DOP1B: variants seen among roughly 807,000 people sequenced by gnomAD.
DOP1B encodes the protein DOP1 leucine zipper like protein B.
A neutral mutation model predicts 233.5 loss-of-function variants in DOP1B; 174 were observed. That is an observed-to-expected ratio of 0.75 (90% CI 0.66 to 0.85). The LOEUF (loss-of-function observed/expected upper bound fraction) is 0.85. Among genes scored for constraint, DOP1B ranks in the 40% least tolerant of loss-of-function variants. The pLI is 0.00. For synonymous variants in DOP1B, 1,190 were observed against 1,185.6 expected (o/e 1.00, Z -0.08); for missense variants, 2,652 against 2,846.6 (o/e 0.93, Z 1.56).
intron 35 of DOP1B, 51 bp downstream of exon 35, chr21:36,289,257 T>C (rs775908703): frequency 6.3e-7 from 1 of 1,581,202 alleles, no homozygotes; most frequent in Admixed American, 1.9e-5. Context: ...ATTTTGTTTT[T>C]TCCTTTTAAG....
chr21:36,208,908 G>T lies in DOP1B; in HGVS notation c.681+4G>T. 1.3e-6 allele frequency: 2 copies of T among 1,514,852 alleles called. No homozygotes were observed. Among genetic ancestry groups the T allele is most frequent in the Non-Finnish European group, 1.8e-6 (2 of 1,131,082 alleles). The allele number at this position is 1,514,852 out of a possible 1,614,324, so 93.8% of individuals were successfully genotyped here. A position where few individuals can be genotyped will look rare whatever the true frequency, so the allele number is the denominator to read the frequency against. ...GGGGACCAATCACCAACTCACGGTG[G>T]GTGCTGTGTTCCTCACAGGGCATGG... On this transcript the variant is annotated splice_donor_region_variant and intron_variant, in intron 5 of 36. Transcript: ENST00000691173.
Position 36,242,161 on chromosome 21 carries a change from A to G in DOP1B, c.3067+2206A>G, listed in dbSNP as rs193223843. On this transcript the variant is annotated intron_variant, in intron 18 of 36. Coordinates refer to ENST00000691173, the MANE Select transcript of DOP1B (RefSeq NM_001320714.2). ...CCACAGTTCCTTGGGCATTATTATT[A>G]TTATTATTATTATTATTATTATTAT... 3.9e-3 allele frequency among the ~76,000 whole-genome samples: 548 copies of G among 141,656 alleles called. 12 individuals are homozygous for G. Among genetic ancestry groups the G allele is most frequent in the Non-Finnish European group, 3.6e-3 (230 of 63,526 alleles). The allele number at this position is 141,656 out of a possible 152,430, so 92.9% of individuals were successfully genotyped here.
chr21:36,210,837 C>T (rs2066488016), intron 5 of DOP1B, among the ~76,000 whole-genome samples: 1 of 152,144 alleles, frequency 6.6e-6, no homozygotes, highest in Non-Finnish European at 1.5e-5. Flanking sequence ...ATAAAAATAT[C>T]TGACTTCCCA....
In DOP1B at chr21:36,230,878, C is replaced by G. The variant is rs1431409222; in HGVS notation, c.2094C>G (p.Asp698Glu). ...CTCAGTTCAAGCAGATGCTGTCAGACTTGTTCACAGCACGAGGGTCTCCAT... is the reference window on the plus strand; with the variant it reads ...CTCAGTTCAAGCAGATGCTGTCAGAGTTGTTCACAGCACGAGGGTCTCCAT... The part of the protein sequence containing the change: ...TVPQFKQMLS[D>E]LFTARGSPFK... The change falls in exon 14 of 37, where the codon GAC becomes GAG. Residue 698 changes from aspartate (D) to glutamate (E), a missense_variant. By Grantham distance (45) the Asp-to-Glu change is conservative. Coordinates refer to ENST00000691173, the MANE Select transcript of DOP1B (RefSeq NM_001320714.2). The G allele has an allele frequency of 6.2e-7, 1 of 1,614,136 alleles. No homozygotes were observed. The highest frequency in any genetic ancestry group is 1.1e-5 in the South Asian group (1 of 91,080).
intron 15 of DOP1B, among the ~76,000 whole-genome samples, chr21:36,235,654 G>A (rs1459848229): frequency 6.6e-6 from 1 of 152,096 alleles, no homozygotes; most frequent in East Asian, 1.9e-4. Context: ...CTTGAGCCAA[G>A]GAGGCAGAGG....
intron 2 of DOP1B, among the ~76,000 whole-genome samples, chr21:36,191,255 GAAA>G (rs10599369): frequency 1.4e-5 from 2 of 141,378 alleles, no homozygotes; most frequent in Admixed American, 7.0e-5. Flanking sequence ...AAACAAGTCA[GAAA>G]AAAAAAAAAA....
In DOP1B at chr21:36,288,809, G is replaced by C. The variant is rs777178185; in HGVS notation, c.6351G>C (p.Leu2117Phe). The change falls in exon 34 of 37, where the codon TTG (leucine) becomes TTC (phenylalanine). Residue 2117 changes from leucine to phenylalanine, a missense_variant and splice_region_variant. Leu to Phe is a conservative substitution (Grantham distance 22). Transcript: ENST00000691173. ...ATCTAAAAGATGAAGATGAGTCATT[G>C]AGGTAAGCAGTACAAGATCTGTACA... Reference protein sequence around the residue: ...EEDLKDEDESLRSTNKVNRTK... With the variant: ...EEDLKDEDESFRSTNKVNRTK... 8 of 1,611,860 alleles carry C rather than the reference G, an allele frequency of 5.0e-6. No homozygotes were observed. The highest frequency in any genetic ancestry group is 6.8e-6 in the Non-Finnish European group (8 of 1,178,170).
intron 12 of DOP1B, among the ~76,000 whole-genome samples, chr21:36,227,318 T>A (rs992067491): frequency 9.9e-5 from 15 of 151,868 alleles, no homozygotes; most frequent in Non-Finnish European, 1.6e-4. Flanking sequence ...GAGGCCAAGG[T>A]GGATGGATCA....
intron 35 of DOP1B, 78 bp from the exon 36 acceptor site, chr21:36,292,026 T>C: frequency 6.8e-7 from 1 of 1,480,584 alleles, no homozygotes; most frequent in Non-Finnish European, 9.0e-7. Flanking sequence ...GTATGTGAAT[T>C]ATATCTTAAT....
intron 2 of DOP1B, among the ~76,000 whole-genome samples, chr21:36,191,407 G>A (rs1182002619): frequency 6.6e-6 from 1 of 152,162 alleles, no homozygotes; most frequent in Admixed American, 6.6e-5. Context: ...AAATCCCTGG[G>A]CTGCCTCAGG....
At chr21:36,283,962 C>CTTTTTTTTTTTTTGTTTT (rs1381360919) in intron 32 of DOP1B, among the ~76,000 whole-genome samples, 1 of 91,548 alleles carries the variant, frequency 1.1e-5, no homozygotes. Context: ...TTTTTTTTTC[C>CTTTTTTTTTTTTTGTTTT]TTTGAGATGG....
Position 36,293,711 on chromosome 21 carries a change from G to A in DOP1B, c.*140G>A, listed in dbSNP as rs887612299. The A allele has an allele frequency of 7.3e-5, 71 of 972,218 alleles. No homozygotes were observed. Among genetic ancestry groups the A allele is most frequent in the Non-Finnish European group, 9.7e-5 (64 of 656,894 alleles). The allele number at this position is 972,218 out of a possible 1,614,324, so 60.2% of individuals were successfully genotyped here. The stretch of plus-strand genomic sequence containing the variant: ...TGAAAGTAGATTTCAGGCTAGGTGC[G>A]GTGGCTCACACCTGTAATCTCAGCA... On this transcript the variant is annotated 3_prime_UTR_variant, in exon 37 of 37. Transcript: ENST00000691173.
intron 2 of DOP1B, chr21:36,169,648 G>C (rs1034520555): frequency 1.1e-6 from 1 of 911,320 alleles, no homozygotes; most frequent in Non-Finnish European, 1.8e-6. Flanking sequence ...CCATCAGCTG[G>C]GCCTTCTTCT....
intron 28 of DOP1B, among the ~76,000 whole-genome samples, chr21:36,277,462 T>C (rs1356891585): frequency 6.6e-6 from 1 of 151,614 alleles, no homozygotes; most frequent in African/African-American, 2.4e-5. Flanking sequence ...TTTAGTATTT[T>C]AGTAGAGACG....
chr21:36,269,991 C>G, intron 26 of DOP1B, 22 bp from the exon 27 acceptor site: 2 of 1,613,122 alleles, frequency 1.2e-6, no homozygotes, highest in Admixed American at 1.7e-5. Flanking sequence ...CTTCCTTTCC[C>G]CCTCCTCCTG....
At chr21:36,292,269 T>TTTTG in intron 36 of DOP1B, 36 bp downstream of exon 36, 1 of 1,514,758 alleles carries the variant, frequency 6.6e-7, no homozygotes, top group Non-Finnish European at 8.9e-7. Flanking sequence ...TTTTTTTTTT[T>TTTTG]TTGGTGAGAC....
chr21:36,252,888 C>A (rs866149869), intron 22 of DOP1B, among the ~76,000 whole-genome samples: 2 of 152,316 alleles, frequency 1.3e-5, no homozygotes, highest in Middle Eastern at 3.4e-3. Context: ...CCTTTTTCAA[C>A]CTCAATCCTC....
rs13046363 is a variant in DOP1B, at chr21:36,194,301, G to A, written c.139-4769G>A. 2.6e-3 allele frequency among the ~76,000 whole-genome samples: 390 copies of A among 152,232 alleles called. 1 individual carries two copies. Among genetic ancestry groups the A allele is most frequent in the African/African-American group, 9.1e-3 (377 of 41,556 alleles). ...TGATTAACTTTGTTCATGATCTCTAGATCACTCTGCTCTATGCTTGAACCT... is the reference window on the plus strand; with the variant it reads ...TGATTAACTTTGTTCATGATCTCTAAATCACTCTGCTCTATGCTTGAACCT... On this transcript the variant is annotated intron_variant, in intron 2 of 36. Transcript: ENST00000691173.
At position 36,253,928 on chromosome 21, in the gene DOP1B, C is replaced by G. The variant is rs768268399; in HGVS notation, c.5259+19C>G. 7 of 1,609,110 alleles carry G rather than the reference C, an allele frequency of 4.4e-6. No individual in the cohort carries two copies. The highest frequency in any genetic ancestry group is 4.0e-5 in the African/African-American group (3 of 74,724). On this transcript the variant is annotated intron_variant, in intron 23 of 36. Transcript: ENST00000691173. ...TGATGAGGTGAGGAGCCTGGGGAAG[C>G]CTCTGGGCTTCTGCAGATTAGTGGG...
Sources: allele counts gnomAD v4.1 joint callset (sites outside exome capture counted in the v4.1 genomes callset), GRCh38; gene constraint gnomAD v4.1.1; transcripts MANE v1.5; gene names NCBI Gene and HGNC (gene_info 2026-07-23, HGNC 2026-07-21).